The following NRDE2 variants were observed in gnomAD, a reference collection of about 807,000 sequenced individuals.
NRDE2 encodes the protein NRDE-2, necessary for RNA interference, domain containing.
Under a neutral mutation model 124.2 loss-of-function variants are expected in NRDE2, and 76 were observed. The ratio of observed to expected loss-of-function variants is 0.61; its 90% confidence interval spans 0.51 to 0.74. NRDE2 has a LOEUF of 0.74. Ranked by LOEUF, NRDE2 falls within the 30% of genes least tolerant of loss-of-function variation. The pLI is 0.00. For synonymous variants in NRDE2, 489 were observed against 528.1 expected (o/e 0.93, Z 1.01); for missense variants, 1,314 against 1,417.3 (o/e 0.93, Z 1.17).
At position 90,271,744 on chromosome 14, in the gene NRDE2, C is replaced by T. The variant is rs1272396156; in HGVS notation, c.*6592G>A. ...GAACCCACAGCCCTGACCCTTGGGT[C>T]AGTCTTAGTTACAGTAACTCCCAGT... On this transcript the variant is annotated 3_prime_UTR_variant, in exon 14 of 14. Transcript: ENST00000354366. The T allele has an allele frequency of 6.6e-6, 1 of 152,378 alleles. No homozygotes were observed. The highest frequency in any genetic ancestry group is 2.1e-4 in the South Asian group (1 of 4,876). The allele number at this position is 152,378 out of a possible 1,614,324, so 9.4% of individuals were successfully genotyped here.
chr14:90,285,340 C>T (rs1269023035), intron 12 of NRDE2, among the ~76,000 whole-genome samples: 5 of 119,088 alleles, frequency 4.2e-5, no homozygotes, highest in East Asian at 3.0e-4. Context: ...CTCACTCTGT[C>T]GTTCAGGCTG....
Position 90,276,211 on chromosome 14 carries a change from C to CA in NRDE2, c.*2124_*2125insT. 1 of 122,416 alleles carries CA rather than the reference C, an allele frequency of 8.2e-6. No homozygotes were observed. Among genetic ancestry groups the CA allele is most frequent in the South Asian group, 2.8e-4 (1 of 3,618 alleles). The allele number at this position is 122,416 out of a possible 1,614,324, so 7.6% of individuals were successfully genotyped here. A position where few individuals can be genotyped will look rare whatever the true frequency, so the allele number is the denominator to read the frequency against. On this transcript the variant is annotated 3_prime_UTR_variant, in exon 14 of 14. Coordinates refer to ENST00000354366, the MANE Select transcript of NRDE2 (RefSeq NM_017970.4). ...AGAAGTTCATGTCAGCAATCTCAAA[C>CA]GGGCTGTTTTTTTTTTTTTTTTTTC...
Position 90,270,060 on chromosome 14 carries a change from T to C in NRDE2, c.*8276A>G. 1 of 878,988 alleles carries C rather than the reference T, an allele frequency of 1.1e-6. No individual in the cohort carries two copies. Among genetic ancestry groups the C allele is most frequent in the Non-Finnish European group, 1.7e-6 (1 of 585,442 alleles). The allele number at this position is 878,988 out of a possible 1,614,324, so 54.4% of individuals were successfully genotyped here. A position where few individuals can be genotyped will look rare whatever the true frequency, so the allele number is the denominator to read the frequency against. ...AAACTACAAAAATATATGTTTACTT[T>C]TTAAAATTTAGACATCCTTCCCACA... On this transcript the variant is annotated 3_prime_UTR_variant, in exon 14 of 14. Coordinates refer to ENST00000354366, the MANE Select transcript of NRDE2 (RefSeq NM_017970.4).
chr14:90,274,986 G>A lies in NRDE2; in HGVS notation c.*3350C>T, dbSNP rs1336913395. ...CACCGTCTTCACCAAGTGGTCAAATGCACATCATCAGTAATGGGCACTTTG... is the reference window on the plus strand; with the variant it reads ...CACCGTCTTCACCAAGTGGTCAAATACACATCATCAGTAATGGGCACTTTG... On this transcript the variant is annotated 3_prime_UTR_variant, in exon 14 of 14. Coordinates refer to ENST00000354366, the MANE Select transcript of NRDE2 (RefSeq NM_017970.4). 3 of 152,252 alleles carry A rather than the reference G, an allele frequency of 2.0e-5. No individual in the cohort carries two copies. The highest frequency in any genetic ancestry group is 2.0e-4 in the Admixed American group (3 of 15,270). The allele number at this position is 152,252 out of a possible 1,614,324, so 9.4% of individuals were successfully genotyped here. A position where few individuals can be genotyped will look rare whatever the true frequency, so the allele number is the denominator to read the frequency against.
intron 1 of NRDE2, among the ~76,000 whole-genome samples, chr14:90,318,613 A>G (rs1479302230): frequency 6.6e-6 from 1 of 152,130 alleles, no homozygotes; most frequent in Non-Finnish European, 1.5e-5. Flanking sequence ...CAGCCTGGCC[A>G]ACACGGTGAA....
At chr14:90,282,641 C>T (rs1232885979) in intron 12 of NRDE2, among the ~76,000 whole-genome samples, 4 of 151,940 alleles carry the variant, frequency 2.6e-5, no homozygotes, top group East Asian at 1.9e-4. Context: ...CCATATTCTC[C>T]GTGGCCAAGA....
At chr14:90,319,268 C>T (rs369500572) in intron 1 of NRDE2, among the ~76,000 whole-genome samples, 2 of 152,030 alleles carry the variant, frequency 1.3e-5, no homozygotes, top group East Asian at 1.9e-4. Flanking sequence ...AGGAAGAACC[C>T]GTTAAATGGT....
chr14:90,328,503 A>G (rs1394787551), intron 1 of NRDE2, among the ~76,000 whole-genome samples: 1 of 152,148 alleles, frequency 6.6e-6, no homozygotes, highest in Non-Finnish European at 1.5e-5. Flanking sequence ...AATGGCTGCA[A>G]AAATCATTAG....
At position 90,304,132 on chromosome 14, in the gene NRDE2, T is replaced by A. The variant is rs143888178; in HGVS notation, c.808A>T (p.Asn270Tyr). Reference protein sequence around the residue: ...EDAAPVTTWLNPLGIYDQSTT... With the variant: ...EDAAPVTTWLYPLGIYDQSTT... Reference sequence around the variant, plus strand: ...GACTGATCATAAATCCCCAGAGGATTCAACCAGGTTGTAACAGGAGCCGCA... The same window carrying A: ...GACTGATCATAAATCCCCAGAGGATACAACCAGGTTGTAACAGGAGCCGCA... The change falls in exon 5 of 14, where the codon AAT (asparagine) becomes TAT (tyrosine). Residue 270 changes from asparagine (N) to tyrosine (Y), a missense_variant. Asn to Tyr is a moderately radical substitution (Grantham distance 143). Transcript: ENST00000354366. The A allele has an allele frequency of 2.5e-3, 4,024 of 1,614,200 alleles. 10 individuals are homozygous for A. The highest frequency in any genetic ancestry group is 3.0e-3 in the Non-Finnish European group (3,575 of 1,180,044).
Position 90,277,068 on chromosome 14 carries a change from A to T in NRDE2, c.*1268T>A, listed in dbSNP as rs1331201273. On this transcript the variant is annotated 3_prime_UTR_variant, in exon 14 of 14. Transcript: ENST00000354366. ...AGGGTTGTTTCTGTGAAAAGGCATC[A>T]AGGGGAGCAGCTGACGACCTGTCTG... The T allele has an allele frequency of 6.6e-6, 1 of 152,170 alleles. No homozygotes were observed. The highest frequency in any genetic ancestry group is 6.5e-5 in the Admixed American group (1 of 15,274). 9.4% of individuals were successfully genotyped at this position (152,170 alleles called of 1,614,324 possible). A position where few individuals can be genotyped will look rare whatever the true frequency, so the allele number is the denominator to read the frequency against.
chr14:90,279,243 C>A, intron 12 of NRDE2, 110 bp from the exon 13 acceptor site: 1 of 829,400 alleles, frequency 1.2e-6, no homozygotes, highest in Non-Finnish European at 2.0e-6. Flanking sequence ...GTGAGCCCAC[C>A]TGTGCAGAGG....
At chr14:90,325,086 T>C (rs1431104839) in intron 1 of NRDE2, among the ~76,000 whole-genome samples, 3 of 151,956 alleles carry the variant, frequency 2.0e-5, no homozygotes, top group East Asian at 1.9e-4. Flanking sequence ...GACTAAAGAA[T>C]TGAATGGGTG....
chr14:90,297,411 T>C (rs556107028), intron 8 of NRDE2, among the ~76,000 whole-genome samples: 1 of 152,320 alleles, frequency 6.6e-6, no homozygotes, highest in Non-Finnish European at 1.5e-5. Context: ...ACTTTTTTAA[T>C]GTGGCCACTA....
At chr14:90,300,643 C>T (rs1465610776) in intron 7 of NRDE2, among the ~76,000 whole-genome samples, 1 of 150,542 alleles carries the variant, frequency 6.6e-6, no homozygotes, top group Admixed American at 6.6e-5. Flanking sequence ...TAACCCTTCC[C>T]CAATAAGGAT....
chr14:90,267,923 C>T lies in NRDE2; in HGVS notation c.*10413G>A, dbSNP rs1333837002. 2.5e-5 allele frequency: 7 copies of T among 281,150 alleles called. No homozygotes were observed. The highest frequency in any genetic ancestry group is 6.8e-5 in the South Asian group (1 of 14,750). 17.4% of individuals were successfully genotyped at this position (281,150 alleles called of 1,614,324 possible). A position where few individuals can be genotyped will look rare whatever the true frequency, so the allele number is the denominator to read the frequency against. ...ATTCTTCGTACAGGTAATTATAGTTCGCAGCTTTTCAGGGGAAACTGGGTC... is the reference window on the plus strand; with the variant it reads ...ATTCTTCGTACAGGTAATTATAGTTTGCAGCTTTTCAGGGGAAACTGGGTC... On this transcript the variant is annotated 3_prime_UTR_variant, in exon 14 of 14. Coordinates refer to ENST00000354366, the MANE Select transcript of NRDE2 (RefSeq NM_017970.4).
chr14:90,317,869 T>G, intron 2 of NRDE2, 136 bp downstream of exon 2: 1 of 585,230 alleles, frequency 1.7e-6, no homozygotes, highest in Non-Finnish European at 3.0e-6. Flanking sequence ...GGGAAAATAG[T>G]CAAAGATCAC....
chr14:90,286,251 C>G, intron 12 of NRDE2, 103 bp downstream of exon 12: 1 of 1,325,210 alleles, frequency 7.5e-7, no homozygotes, highest in Non-Finnish European at 1.0e-6. Flanking sequence ...GGCCTCCCAG[C>G]TCTCCTGGGC....
Position 90,269,266 on chromosome 14 carries a change from G to A in NRDE2, c.*9070C>T, listed in dbSNP as rs1413853365. On this transcript the variant is annotated 3_prime_UTR_variant, in exon 14 of 14. Coordinates refer to ENST00000354366, the MANE Select transcript of NRDE2 (RefSeq NM_017970.4). ...GAATTTATTTTTTCCGAGCATAATTGAGGGAGTGCCATGTGAGTTGAAACA... is the reference window on the plus strand; with the variant it reads ...GAATTTATTTTTTCCGAGCATAATTAAGGGAGTGCCATGTGAGTTGAAACA... The A allele has an allele frequency of 2.7e-6, 2 of 751,884 alleles. No homozygotes were observed. Among genetic ancestry groups the A allele is most frequent in the Middle Eastern group, 4.0e-4 (1 of 2,512 alleles). 46.6% of individuals were successfully genotyped at this position (751,884 alleles called of 1,614,324 possible).
intron 12 of NRDE2, among the ~76,000 whole-genome samples, chr14:90,285,361 G>C (rs1211976110): frequency 6.8e-6 from 1 of 146,848 alleles, no homozygotes; most frequent in Non-Finnish European, 1.5e-5. Context: ...GAGTAGAGTG[G>C]CATGACCTTG....
Sources: allele counts gnomAD v4.1 joint callset (sites outside exome capture counted in the v4.1 genomes callset), GRCh38; gene constraint gnomAD v4.1.1; transcripts MANE v1.5; gene names NCBI Gene and HGNC (gene_info 2026-07-23, HGNC 2026-07-21).